Variants in PPP6R2 observed in about 807,000 individuals in gnomAD.
PPP6R2 encodes the protein protein phosphatase 6 regulatory subunit 2, also known as serine/threonine-protein phosphatase 6 regulatory subunit 2.
PPP6R2 carries 62 observed loss-of-function variants against 100.2 expected under a neutral mutation model. That is an observed-to-expected ratio of 0.62 (90% CI 0.50 to 0.76). The LOEUF is 0.76. Ranked by LOEUF, PPP6R2 falls within the 30% of genes least tolerant of loss-of-function variation. PPP6R2 has a pLI of 0.00. For synonymous variants in PPP6R2, 525 were observed against 514.7 expected (o/e 1.02, Z -0.27); for missense variants, 1,142 against 1,276.3 (o/e 0.89, Z 1.60).
intron 1 of PPP6R2, among the ~76,000 whole-genome samples, chr22:50,351,033 T>G (rs960413078): frequency 3.6e-4 from 42 of 115,142 alleles, no homozygotes; most frequent in East Asian, 1.2e-3. Flanking sequence ...AGTGTTTTTT[T>G]TTTTTTTTTT....
At chr22:50,404,125 C>T (rs1186366526) in intron 3 of PPP6R2, among the ~76,000 whole-genome samples, 1 of 137,800 alleles carries the variant, frequency 7.3e-6, no homozygotes, top group Non-Finnish European at 1.6e-5. Flanking sequence ...ACAAGAGTCT[C>T]GCTCTGTCAC....
intron 10 of PPP6R2, among the ~76,000 whole-genome samples, chr22:50,430,917 G>A (rs73172215): frequency 1.5e-4 from 22 of 151,234 alleles, no homozygotes; most frequent in Non-Finnish European, 2.8e-4. Context: ...AAGTAGAAAG[G>A]TGATGATTCA....
chr22:50,414,331 G>GGCCCCCC (rs2060189395), intron 4 of PPP6R2, among the ~76,000 whole-genome samples: 1 of 26,776 alleles, frequency 3.7e-5, no homozygotes, highest in African/African-American at 8.4e-5. Context: ...CTGTGCAGTG[G>GGCCCCCC]CCCCCCCCCC....
chr22:50,386,355 G>C (rs887365752), intron 2 of PPP6R2, among the ~76,000 whole-genome samples: 4 of 151,842 alleles, frequency 2.6e-5, no homozygotes, highest in Non-Finnish European at 4.4e-5. Context: ...TGGCCAGGCT[G>C]GTCTCAAACT....
intron 1 of PPP6R2, among the ~76,000 whole-genome samples, chr22:50,370,442 C>T (rs1000309068): frequency 6.9e-6 from 1 of 144,806 alleles, no homozygotes; most frequent in African/African-American, 2.6e-5. Flanking sequence ...CGCCTGCCAC[C>T]ACGCCCAGCT....
intron 3 of PPP6R2, among the ~76,000 whole-genome samples, chr22:50,394,763 G>T (rs184913449): frequency 6.6e-6 from 1 of 151,578 alleles, no homozygotes; most frequent in African/African-American, 2.4e-5. Context: ...AAAATTAGCC[G>T]GGCATGGTGG....
At chr22:50,337,973 T>G in the PPP6R2 span, among the ~76,000 whole-genome samples, 2,282 of 138,564 alleles carry the variant, frequency 0.016, 29 homozygotes, top group South Asian at 0.037. Context: ...TGTGGGTGTG[T>G]GTGCTGTGTA....
At chr22:50,395,502 G>C (rs1029392962) in intron 3 of PPP6R2, among the ~76,000 whole-genome samples, 4 of 152,152 alleles carry the variant, frequency 2.6e-5, no homozygotes, top group Non-Finnish European at 4.4e-5. Context: ...AGCAAACCTC[G>C]GCCTGCAGGT....
intron 3 of PPP6R2, among the ~76,000 whole-genome samples, chr22:50,402,587 A>C (rs917374873): frequency 3.3e-5 from 5 of 152,070 alleles, no homozygotes; most frequent in African/African-American, 1.2e-4. Context: ...TCCCTGTGCC[A>C]AGTCAGTCTT....
intron 1 of PPP6R2, among the ~76,000 whole-genome samples, chr22:50,365,948 C>G (rs2048686326): frequency 6.6e-6 from 1 of 152,044 alleles, no homozygotes; most frequent in Non-Finnish European, 1.5e-5. Context: ...TTTTTCCCCT[C>G]ATTATGGTTT....
chr22:50,408,350 G>A (rs1035333857), intron 4 of PPP6R2, among the ~76,000 whole-genome samples: 61 of 152,168 alleles, frequency 4.0e-4, no homozygotes, highest in African/African-American at 1.3e-3. Context: ...GCAGCTCCAC[G>A]AAGGCCGCGG....
chr22:50,416,025 G>A, intron 5 of PPP6R2, 67 bp from the exon 6 acceptor site: 2 of 1,449,632 alleles, frequency 1.4e-6, no homozygotes, highest in South Asian at 2.3e-5. Context: ...TGCACCAAAG[G>A]GGAAAGGTTC....
chr22:50,369,569 G>T (rs2049531360), intron 1 of PPP6R2, among the ~76,000 whole-genome samples: 1 of 151,952 alleles, frequency 6.6e-6, no homozygotes, highest in South Asian at 2.1e-4. Flanking sequence ...TCACTCTGTT[G>T]CCCAGGCTGG....
Position 50,435,034 on chromosome 22 carries a change from A to T in PPP6R2, c.1469A>T (p.Asn490Ile). The change falls in exon 13 of 24, where the codon AAC (asparagine) becomes ATC (isoleucine). Residue 490 changes from asparagine (N) to isoleucine (I), a missense_variant. Physicochemically the swap from Asn to Ile is moderately radical, Grantham distance 149 (BLOSUM62 -3). Transcript: ENST00000612753. ...LTRIANAVVQ[N>I]LERGPVQTHI... ...CGGATCGCCAACGCGGTGGTGCAGA[A>T]CCTGGAGCGGGGCCCTGTGCAGACG... The T allele has an allele frequency of 6.2e-7, 1 of 1,600,406 alleles. No individual in the cohort carries two copies. The highest frequency in any genetic ancestry group is 8.5e-7 in the Non-Finnish European group (1 of 1,173,092).
Position 50,350,513 on chromosome 22 carries a change from TG to T in PPP6R2, c.-148+6964del, listed in dbSNP as rs575062127. Among the ~76,000 whole-genome samples the T allele has an allele frequency of 1.1e-3, 169 of 151,466 alleles. 1 individual carries two copies. Among genetic ancestry groups the T allele is most frequent in the African/African-American group, 3.9e-3 (160 of 41,430 alleles). Reference sequence around the variant, plus strand: ...CCCAAAGTTGCTGGGATTACAGGCATGAACCACTGCGACCGGCCTGAAATGT... The same window carrying T: ...CCCAAAGTTGCTGGGATTACAGGCATAACCACTGCGACCGGCCTGAAATGT... On this transcript the variant is annotated intron_variant, in intron 1 of 23. Coordinates refer to ENST00000612753, the MANE Select transcript of PPP6R2 (RefSeq NM_001242898.2).
chr22:50,409,036 C>T (rs961004296), intron 4 of PPP6R2, among the ~76,000 whole-genome samples: 1 of 152,206 alleles, frequency 6.6e-6, no homozygotes, highest in East Asian at 1.9e-4. Context: ...ATCACTTGAA[C>T]CCAGGAGGCA....
intron 10 of PPP6R2, among the ~76,000 whole-genome samples, chr22:50,424,576 C>T (rs73441427): frequency 0.027 from 4,163 of 151,616 alleles, 201 homozygotes; most frequent in African/African-American, 0.096. Context: ...TGTGAGATCC[C>T]AGTCTGCATC....
chr22:50,441,820 C>A (rs959697734), intron 22 of PPP6R2, among the ~76,000 whole-genome samples: 1 of 152,128 alleles, frequency 6.6e-6, no homozygotes, highest in African/African-American at 2.4e-5. Context: ...ACCTCTCTGG[C>A]CTCTGGGGTC....
chr22:50,432,374 G>A (rs747045652), intron 12 of PPP6R2, 45 bp downstream of exon 12: 2 of 1,507,792 alleles, frequency 1.3e-6, no homozygotes, highest in South Asian at 2.4e-5. Flanking sequence ...GGCCAGTCAG[G>A]GATGCAGAGA....
Sources: allele counts gnomAD v4.1 joint callset (sites outside exome capture counted in the v4.1 genomes callset), GRCh38; gene constraint gnomAD v4.1.1; transcripts MANE v1.5; gene names NCBI Gene and HGNC (gene_info 2026-07-23, HGNC 2026-07-21).